Variants in TULP4 observed in about 807,000 individuals in gnomAD.
TULP4 encodes the protein TUB like protein 4.
Under a neutral mutation model 129.0 loss-of-function variants are expected in TULP4, and 16 were observed. The observed-to-expected ratio is 0.12, with a 90% CI of 0.08 to 0.19. TULP4 has a LOEUF of 0.19. Among genes scored for constraint, TULP4 ranks in the 10% least tolerant of loss-of-function variants. The pLI is 1.00. For synonymous variants in TULP4, 998 were observed against 854.0 expected (o/e 1.17, Z -2.94); for missense variants, 1,842 against 2,059.1 (o/e 0.89, Z 2.04).
At chr6:158,345,622 A>G (rs549454147) in intron 1 of TULP4, among the ~76,000 whole-genome samples, 3 of 152,326 alleles carry the variant, frequency 2.0e-5, no homozygotes, top group Admixed American at 2.0e-4. Flanking sequence ...GGTCACAAAG[A>G]TCACATACTT....
chr6:158,441,833 G>A (rs1470133652), intron 3 of TULP4, among the ~76,000 whole-genome samples: 2 of 152,162 alleles, frequency 1.3e-5, no homozygotes, highest in Non-Finnish European at 2.9e-5. Context: ...GCTGTGTCCC[G>A]AGGATGACTG....
chr6:158,324,158 C>A (rs1296736681), intron 1 of TULP4, among the ~76,000 whole-genome samples: 1 of 152,154 alleles, frequency 6.6e-6, no homozygotes, highest in Non-Finnish European at 1.5e-5. Context: ...AGCTTTATCA[C>A]GAAGGATTTC....
chr6:158,434,808 C>A (rs341115), intron 3 of TULP4, among the ~76,000 whole-genome samples: 36,438 of 152,038 alleles, frequency 0.24, 5,607 homozygotes, highest in Middle Eastern at 0.35. Flanking sequence ...AGCTGATGTG[C>A]CTGAGGCCAC....
upstream of TULP4, among the ~76,000 whole-genome samples, chr6:158,309,496 G>T (rs374022609): frequency 6.6e-6 from 1 of 151,818 alleles, no homozygotes; most frequent in Non-Finnish European, 1.5e-5. Flanking sequence ...GGTGGCGGCC[G>T]GGCAGAGGCT....
chr6:158,450,237 G>C (rs545917281), intron 4 of TULP4, among the ~76,000 whole-genome samples: 2 of 152,196 alleles, frequency 1.3e-5, no homozygotes, highest in Non-Finnish European at 2.9e-5. Flanking sequence ...TTACACTGCT[G>C]TGTGCCCTTC....
At chr6:158,402,411 T>A (rs1777874122) in intron 1 of TULP4, among the ~76,000 whole-genome samples, 1 of 152,248 alleles carries the variant, frequency 6.6e-6, no homozygotes, top group Non-Finnish European at 1.5e-5. Flanking sequence ...AGATTGGTTT[T>A]TCTTTTAATT....
At chr6:158,319,616 A>G (rs1257843078) in intron 1 of TULP4, among the ~76,000 whole-genome samples, 1 of 152,244 alleles carries the variant, frequency 6.6e-6, no homozygotes, top group Non-Finnish European at 1.5e-5. Flanking sequence ...TGAATGAAAG[A>G]TAATTTATTT....
At chr6:158,237,951 C>T (rs1330690667) in intron 1 of TULP4, 1 of 726,738 alleles carries the variant, frequency 1.4e-6, no homozygotes, top group South Asian at 1.4e-5. Context: ...TTGCCTCCTC[C>T]CGCCCATATT....
At chr6:158,311,045 A>T (rs1779338918), upstream of TULP4, among the ~76,000 whole-genome samples, 1 of 151,866 alleles carries the variant, frequency 6.6e-6, no homozygotes, top group Non-Finnish European at 1.5e-5. Flanking sequence ...TTGCAGTTTG[A>T]CCCACTGTTG....
intron 1 of TULP4, among the ~76,000 whole-genome samples, chr6:158,299,751 G>A (rs1779101735): frequency 6.6e-6 from 1 of 152,134 alleles, no homozygotes; most frequent in Non-Finnish European, 1.5e-5. Context: ...CATCCATCCA[G>A]GTGAGAGATT....
chr6:158,410,491 T>C (rs2115002649), intron 1 of TULP4, among the ~76,000 whole-genome samples: 1 of 152,334 alleles, frequency 6.6e-6, no homozygotes, highest in Non-Finnish European at 1.5e-5. Context: ...AAGGAAATAA[T>C]TTAAAAACTG....
At chr6:158,479,554 T>A (rs2128249909) in intron 6 of TULP4, among the ~76,000 whole-genome samples, 197 bp from the exon 7 acceptor site, 1 of 152,350 alleles carries the variant, frequency 6.6e-6, no homozygotes, top group South Asian at 2.1e-4. Context: ...TATGCCACCA[T>A]GCCCAGCCCT....
chr6:158,310,763 A>G (rs537384262), upstream of TULP4, among the ~76,000 whole-genome samples: 1 of 152,260 alleles, frequency 6.6e-6, no homozygotes, highest in Non-Finnish European at 1.5e-5. Flanking sequence ...CAAGCAGTTC[A>G]TTTTGCAACT....
intron 8 of TULP4, among the ~76,000 whole-genome samples, chr6:158,484,266 G>A (rs1307441632): frequency 6.6e-6 from 1 of 150,574 alleles, no homozygotes; most frequent in African/African-American, 2.4e-5. Flanking sequence ...TTAAAAGGAG[G>A]CAGGGTCTTA....
At chr6:158,282,424 G>A (rs1343131227) in intron 1 of TULP4, 1 of 151,928 alleles carries the variant, frequency 6.6e-6, no homozygotes, top group South Asian at 2.1e-4. Context: ...AGAACTAGAT[G>A]ATATAAATCA....
rs777122605 is a variant in TULP4 at position 158,461,607 on chromosome 6, G to A, written c.904G>A (p.Ala302Thr). 9 of 1,613,828 alleles carry A rather than the reference G, an allele frequency of 5.6e-6. No individual in the cohort carries two copies. Among genetic ancestry groups the A allele is most frequent in the South Asian group, 1.1e-5 (1 of 91,066 alleles). The change falls in exon 6 of 14, where the codon GCT (alanine) becomes ACT (threonine). Residue 302 changes from alanine (A) to threonine (T), a missense_variant. This residue lies in a region of TULP4 where 456 missense variants were observed against 534.3 expected (regional missense o/e 0.85). Transcript: ENST00000367097. ...CACACAGGGGGACTTGCTGGCAGTC[G>A]CTGGGATGGAACGGCAGACCCAGCT... is the stretch of plus-strand genomic sequence containing the variant. The part of the protein sequence containing the change: ...WCTQGDLLAV[A>T]GMERQTQLGE...
Position 158,241,067 on chromosome 6 carries a change from C to T in TULP4, n.68+8764C>T, listed in dbSNP as rs1284798810. 5.1e-5 allele frequency among the ~76,000 whole-genome samples: 7 copies of T among 137,102 alleles called. No individual in the cohort carries two copies. In the East Asian group the frequency reaches 1.2e-3, roughly 24 times the overall value. 89.9% of individuals were successfully genotyped at this position (137,102 alleles called of 152,430 possible). A position where few individuals can be genotyped will look rare whatever the true frequency, so the allele number is the denominator to read the frequency against. On this transcript the variant is annotated intron_variant and non_coding_transcript_variant, in intron 1 of 1. Transcript: ENST00000620026. The stretch of plus-strand genomic sequence containing the variant: ...GTAGAGACGCTCCTCACCTCCCAGA[C>T]GGGGTCTCGGCCGGGCAGAGGCGCT...
chr6:158,506,565 T>C lies in TULP4; in HGVS notation c.4516-13T>C, dbSNP rs1400152664. 6.4e-7 allele frequency: 1 copy of C among 1,557,632 alleles called. No individual in the cohort carries two copies. Among genetic ancestry groups the C allele is most frequent in the Non-Finnish European group, 8.9e-7 (1 of 1,128,754 alleles). On this transcript the variant is annotated splice_polypyrimidine_tract_variant and intron_variant, in intron 13 of 13. Transcript: ENST00000367097. ...TATTCTTTAATGTCTTTGCTTCCCCTGCCCTCCTCCAGGTGATGCAGTTTG... is the reference window on the plus strand; with the variant it reads ...TATTCTTTAATGTCTTTGCTTCCCCCGCCCTCCTCCAGGTGATGCAGTTTG...
rs1780729075 is a variant in TULP4 at position 158,511,057 on chromosome 6, AC to A, written c.*4365del. ...CTCTTCAGCATTTGTGTGATTCCTT[AC>A]CTCTGGCTGATAAAACTCTAATGGG... is the stretch of plus-strand genomic sequence containing the variant. On this transcript the variant is annotated 3_prime_UTR_variant, in exon 14 of 14. Coordinates refer to ENST00000367097, the MANE Select transcript of TULP4 (RefSeq NM_020245.5). 1 of 152,490 alleles carries A rather than the reference AC, an allele frequency of 6.6e-6. No homozygotes were observed. The highest frequency in any genetic ancestry group is 1.5e-5 in the Non-Finnish European group (1 of 68,024). The allele number at this position is 152,490 out of a possible 1,614,324, so 9.4% of individuals were successfully genotyped here. A position where few individuals can be genotyped will look rare whatever the true frequency, so the allele number is the denominator to read the frequency against.
Sources: allele counts gnomAD v4.1 joint callset (sites outside exome capture counted in the v4.1 genomes callset), GRCh38; gene constraint gnomAD v4.1.1; regional missense constraint gnomAD v4.1.1; transcripts MANE v1.5; gene names NCBI Gene and HGNC (gene_info 2026-07-23, HGNC 2026-07-21).